The following TBC1D9B variants were observed in gnomAD, a reference collection of about 807,000 sequenced individuals.
TBC1D9B encodes TBC1 domain family member 9B.
TBC1D9B carries 87 observed loss-of-function variants against 121.1 expected under a neutral mutation model. The observed-to-expected ratio is 0.72, with a 90% CI of 0.60 to 0.86. The LOEUF is 0.86. Among genes scored for constraint, TBC1D9B ranks in the 40% least tolerant of loss-of-function variants. TBC1D9B has a pLI of 0.00. For synonymous variants in TBC1D9B, 668 were observed against 670.1 expected (o/e 1.00, Z 0.05); for missense variants, 1,540 against 1,628.6 (o/e 0.95, Z 0.94).
Position 179,907,434 on chromosome 5 carries a change from G to A in TBC1D9B, c.118+270C>T, listed in dbSNP as rs559181991. ...CCGAATCCGGGCAGAAGCCGCCGCC[G>A]GTCTCCACTTGGCCGCCCCAAGCCG... On this transcript the variant is annotated intron_variant, in intron 1 of 20. Coordinates refer to ENST00000355235, the MANE Select transcript of TBC1D9B (RefSeq NM_015043.4). The surrounding 1 kb of genome is among the most constrained non-coding windows in gnomAD (Gnocchi z 5.3). 4.4e-4 allele frequency among the ~76,000 whole-genome samples: 66 copies of A among 151,392 alleles called. No individual in the cohort carries two copies. The highest frequency in any genetic ancestry group is 1.6e-3 in the African/African-American group (65 of 41,450).
At chr5:179,894,884 A>G (rs189250751) in intron 3 of TBC1D9B, among the ~76,000 whole-genome samples, 1 of 152,256 alleles carries the variant, frequency 6.6e-6, no homozygotes, top group East Asian at 1.9e-4. Context: ...AAAAATTAAG[A>G]CAGGGTCTCA....
rs1760285936 is a variant in TBC1D9B, at chr5:179,874,108, T to TA, written c.2186+793dup. On this transcript the variant is annotated intron_variant, in intron 12 of 20. Transcript: ENST00000355235. The surrounding 1 kb of genome is among the most constrained non-coding windows in gnomAD (Gnocchi z 4.3). ...CTGGGGGCATTCCAGTCCGGACAAA[T>TA]ACGCTATGTAGGAGGGTGGGACTGC... Among the ~76,000 whole-genome samples, 2 of 151,928 alleles carry TA rather than the reference T, an allele frequency of 1.3e-5. No individual in the cohort carries two copies. The highest frequency in any genetic ancestry group is 6.5e-5 in the Admixed American group (1 of 15,268).
In TBC1D9B at chr5:179,894,310, G is replaced by A. The variant is rs185696531; in HGVS notation, c.577+76C>T. 7,266 of 1,345,242 alleles carry A rather than the reference G, an allele frequency of 5.4e-3. 32 individuals are homozygous for A. The highest frequency in any genetic ancestry group is 6.2e-3 in the Non-Finnish European group (6,002 of 973,304). The allele number at this position is 1,345,242 out of a possible 1,614,324, so 83.3% of individuals were successfully genotyped here. On this transcript the variant is annotated intron_variant, in intron 4 of 20. Transcript: ENST00000355235. The stretch of plus-strand genomic sequence containing the variant: ...GAGACCCCTCTGGTGGCCATGTGGG[G>A]ATGGAGTATCTGGGGGCCGAAGGCA...
At position 179,879,783 on chromosome 5, in the gene TBC1D9B, G is replaced by A; in HGVS notation, c.1261C>T (p.Pro421Ser). The stretch of plus-strand genomic sequence containing the variant: ...TGCTCCGACCCCTCCTGAGGAGCTG[G>A]GGAAGACTAGAAAATAAAACAGGGA... ...SVVDPSTESS[P>S]APQEGSEQPA... The change falls in exon 8 of 21, where the codon CCA becomes TCA. Residue 421 changes from proline to serine, a missense_variant. Coordinates refer to ENST00000355235, the MANE Select transcript of TBC1D9B (RefSeq NM_015043.4). The A allele has an allele frequency of 6.2e-7, 1 of 1,609,616 alleles. No homozygotes were observed. The highest frequency in any genetic ancestry group is 8.5e-7 in the Non-Finnish European group (1 of 1,178,006).
chr5:179,892,334 T>C (rs1489940119), intron 5 of TBC1D9B, among the ~76,000 whole-genome samples: 2 of 152,262 alleles, frequency 1.3e-5, no homozygotes, highest in African/African-American at 4.8e-5. Context: ...TGCACAATTT[T>C]CTGGTCCTGG....
intron 18 of TBC1D9B, chr5:179,867,427 T>G (rs1341223865): frequency 1.3e-6 from 2 of 1,550,706 alleles, no homozygotes; most frequent in East Asian, 4.9e-5. Context: ...GGGGCGCCCC[T>G]GCCTTCCAGG....
intron 7 of TBC1D9B, among the ~76,000 whole-genome samples, chr5:179,883,456 T>G (rs1351816036): frequency 1.3e-5 from 2 of 152,198 alleles, no homozygotes; most frequent in Non-Finnish European, 2.9e-5. Flanking sequence ...CTGACTCCAT[T>G]TTTCTCCTAT....
chr5:179,888,214 T>G lies in TBC1D9B; in HGVS notation c.1143A>C (p.Lys381Asn). Residue 381 changes from lysine to asparagine, a missense_variant, in exon 7 of 21, where the codon AAA becomes AAC. Coordinates refer to ENST00000355235, the MANE Select transcript of TBC1D9B (RefSeq NM_015043.4). ...SKMTFLFANL[K>N]DRDFLVQRIS... ...TCCTCTGCACCAAGAAATCACGGTCTTTCAGGTTGGCAAACAGGAATGTCA... is the reference window on the plus strand; with the variant it reads ...TCCTCTGCACCAAGAAATCACGGTCGTTCAGGTTGGCAAACAGGAATGTCA... 1 of 1,612,634 alleles carries G rather than the reference T, an allele frequency of 6.2e-7. No homozygotes were observed. The highest frequency in any genetic ancestry group is 8.5e-7 in the Non-Finnish European group (1 of 1,179,470).
At chr5:179,867,133 C>T (rs531426062) in intron 18 of TBC1D9B, 14 of 304,132 alleles carry the variant, frequency 4.6e-5, no homozygotes, top group Middle Eastern at 1.9e-3. Flanking sequence ...CTGTGTCTTT[C>T]ACACGCTCCA....
At chr5:179,876,551 CAGAA>C in intron 10 of TBC1D9B, among the ~76,000 whole-genome samples, 1 of 152,324 alleles carries the variant, frequency 6.6e-6, no homozygotes, top group East Asian at 1.9e-4. Flanking sequence ...TTAAGGCAAA[CAGAA>C]AGCCATATGA....
intron 3 of TBC1D9B, among the ~76,000 whole-genome samples, chr5:179,898,212 C>T (rs1761070477): frequency 6.7e-6 from 1 of 149,150 alleles, no homozygotes. Context: ...AGTGCAGTGG[C>T]ATCATCTTGG....
At chr5:179,901,237 CT>C (rs201443664) in intron 2 of TBC1D9B, among the ~76,000 whole-genome samples, 4 of 151,676 alleles carry the variant, frequency 2.6e-5, no homozygotes, top group Non-Finnish European at 5.9e-5. Context: ...TCACTTTAAA[CT>C]TTTTTTTTCA....
chr5:179,866,111 A>T (rs1262725770), intron 18 of TBC1D9B: 18 of 547,644 alleles, frequency 3.3e-5, no homozygotes, highest in Non-Finnish European at 5.9e-5. Context: ...GTCAGGTTAA[A>T]ATAAAGGCCG....
chr5:179,896,285 T>C (rs1220099030), intron 3 of TBC1D9B, among the ~76,000 whole-genome samples: 1 of 152,172 alleles, frequency 6.6e-6, no homozygotes, highest in African/African-American at 2.4e-5. Context: ...TAATCTGCCT[T>C]TTGTAACAGA....
chr5:179,904,220 C>CTTTT lies in TBC1D9B; in HGVS notation c.229+478_229+481dup, dbSNP rs550418299. ...CTGTCCCCATGACCAGTGGAGCTGC[C>CTTTT]TTTTTTTTTTTTTTTTTTTTTTGAG... On this transcript the variant is annotated intron_variant, in intron 2 of 20. Transcript: ENST00000355235. This position sits in a 1 kb window ranked among gnomAD's most constrained non-coding sequence, Gnocchi z 4.2. Among the ~76,000 whole-genome samples, 11 of 80,904 alleles carry CTTTT rather than the reference C, an allele frequency of 1.4e-4. 1 individual carries two copies. Among genetic ancestry groups the CTTTT allele is most frequent in the African/African-American group, 2.0e-4 (4 of 20,016 alleles). 53.1% of individuals were successfully genotyped at this position (80,904 alleles called of 152,430 possible). A position where few individuals can be genotyped will look rare whatever the true frequency, so the allele number is the denominator to read the frequency against.
rs30386 is a variant in TBC1D9B, at chr5:179,863,845, T to G, written c.3305A>C (p.Lys1102Thr). 786,254 of 1,613,212 alleles carry G rather than the reference T, an allele frequency of 0.49. 197,679 individuals are homozygous for G. The highest frequency in any genetic ancestry group is 0.78 in the East Asian group (34,782 of 44,840). Residue 1102 changes from lysine (K) to threonine (T), a missense_variant, in exon 21 of 21, where the codon AAA becomes ACA. Physicochemically the swap from Lys to Thr is moderately conservative, Grantham distance 78. Coordinates refer to ENST00000355235, the MANE Select transcript of TBC1D9B (RefSeq NM_015043.4). This position sits in a 1 kb window ranked among gnomAD's most constrained non-coding sequence, Gnocchi z 4.5. ...AKAGGDTHLG[K>T]APQESQVVVE... Reference sequence around the variant, plus strand: ...CACCACCTGGCTCTCCTGTGGGGCTTTTCCGAGGTGTGTGTCTCCGCCTGC... The same window carrying G: ...CACCACCTGGCTCTCCTGTGGGGCTGTTCCGAGGTGTGTGTCTCCGCCTGC...
rs1231800773 is a variant in TBC1D9B at position 179,863,456 on chromosome 5, A to G, written c.3694T>C (p.Ser1232Pro). The G allele has an allele frequency of 3.1e-6, 5 of 1,613,314 alleles. No homozygotes were observed. The highest frequency in any genetic ancestry group is 4.2e-6 in the Non-Finnish European group (5 of 1,179,438). ...CCTCACAGCTGCAGGCATCAGCCGG[A>G]AACTCCAGGCTGCTCATGGTCACTG... is the stretch of plus-strand genomic sequence containing the variant. The part of the protein sequence containing the change: ...TASDHEQPGV[S>P]G Residue 1232 changes from serine to proline, a missense_variant, in exon 21 of 21, where the codon TCC becomes CCC. Coordinates refer to ENST00000355235, the MANE Select transcript of TBC1D9B (RefSeq NM_015043.4). This position sits in a 1 kb window ranked among gnomAD's most constrained non-coding sequence, Gnocchi z 4.5.
Position 179,888,033 on chromosome 5 carries a change from G to A in TBC1D9B, c.1254+70C>T. The stretch of plus-strand genomic sequence containing the variant: ...GGAACCATGGGGTCAGGCTCCAGCG[G>A]GGAGGCTGATGGATGCCCTGGCTCT... On this transcript the variant is annotated intron_variant, in intron 7 of 20. Transcript: ENST00000355235. The A allele has an allele frequency of 1.9e-6, 3 of 1,575,618 alleles. No individual in the cohort carries two copies. In the South Asian group the frequency reaches 3.3e-5, roughly 17 times the overall value.
In TBC1D9B at chr5:179,881,708, C is replaced by T. The variant is rs187973479; in HGVS notation, c.1255-1919G>A. Among the ~76,000 whole-genome samples, 262 of 152,158 alleles carry T rather than the reference C, an allele frequency of 1.7e-3. 6 individuals carry two copies. Among genetic ancestry groups the T allele is most frequent in the Admixed American group, 0.015 (228 of 15,280 alleles). ...CTTTCCCCCTTTCAAGTTTTTTTCC[C>T]TGTTAGAAAGTGTATATTTATACTG... is the stretch of plus-strand genomic sequence containing the variant. On this transcript the variant is annotated intron_variant, in intron 7 of 20. Coordinates refer to ENST00000355235, the MANE Select transcript of TBC1D9B (RefSeq NM_015043.4).
Sources: gnomAD v4.1 joint callset for allele counts (sites outside exome capture counted in the v4.1 genomes callset) on GRCh38, gnomAD v4.1.1 for gene constraint, Gnocchi (gnomAD v3.1) non-coding constraint, MANE v1.5 for transcripts, NCBI Gene and HGNC (gene_info 2026-07-23, HGNC 2026-07-21) for gene names.